The following STPG2 variants were observed in gnomAD, a reference collection of about 807,000 sequenced individuals.
STPG2 encodes sperm-tail PG-rich repeat-containing protein 2.
A neutral mutation model predicts 54.2 loss-of-function variants in STPG2; 56 were observed. The ratio of observed to expected loss-of-function variants is 1.03; its 90% confidence interval spans 0.83 to 1.29. STPG2 has a LOEUF of 1.29. Ranked by LOEUF, STPG2 falls within the 50% of genes most tolerant of loss-of-function variation. The pLI, the probability that STPG2 is intolerant of heterozygous loss-of-function variation, is 0.00. For synonymous variants in STPG2, 200 were observed against 181.8 expected (o/e 1.10, Z -0.81); for missense variants, 596 against 544.9 (o/e 1.09, Z -0.93).
intron 10 of STPG2, among the ~76,000 whole-genome samples, chr4:97,697,664 G>T (rs1273864211): frequency 6.6e-6 from 1 of 152,132 alleles, no homozygotes; most frequent in Non-Finnish European, 1.5e-5. Flanking sequence ...CACAAAACTG[G>T]CCATAAACAA....
chr4:97,616,362 CT>C (rs796253092), intron 10 of STPG2, among the ~76,000 whole-genome samples: 1 of 151,760 alleles, frequency 6.6e-6, no homozygotes, highest in African/African-American at 2.4e-5. Context: ...TCCTGTCTAA[CT>C]TTTCATTTCT....
intron 10 of STPG2, among the ~76,000 whole-genome samples, chr4:97,632,648 A>G (rs965882081): frequency 6.6e-6 from 1 of 152,168 alleles, no homozygotes. Flanking sequence ...TTCATAATTA[A>G]TATGAGCCAA....
chr4:97,620,872 C>A (rs570594939), intron 10 of STPG2, among the ~76,000 whole-genome samples: 1 of 152,082 alleles, frequency 6.6e-6, no homozygotes, highest in Admixed American at 6.6e-5. Context: ...AAATTGACCA[C>A]ACAATTGGAC....
intron 10 of STPG2, among the ~76,000 whole-genome samples, chr4:97,629,741 A>C (rs1721207292): frequency 6.6e-6 from 1 of 152,000 alleles, no homozygotes; most frequent in Non-Finnish European, 1.5e-5. Flanking sequence ...AAAATCTGGG[A>C]GTAGCAGTAG....
intron 5 of STPG2, among the ~76,000 whole-genome samples, chr4:98,018,358 T>A (rs534974533): frequency 6.6e-6 from 1 of 152,256 alleles, no homozygotes; most frequent in Non-Finnish European, 1.5e-5. Flanking sequence ...CATCATTTTT[T>A]ATGGCTGCAT....
At chr4:97,831,632 TA>T (rs1011444111) in intron 9 of STPG2, among the ~76,000 whole-genome samples, 10 of 151,384 alleles carry the variant, frequency 6.6e-5, no homozygotes, top group Admixed American at 3.3e-4. Context: ...ACCAGACTAA[TA>T]AAGAAGAAAA....
intron 5 of STPG2, among the ~76,000 whole-genome samples, chr4:98,091,107 T>A (rs1738672328): frequency 6.6e-6 from 1 of 151,970 alleles, no homozygotes; most frequent in Non-Finnish European, 1.5e-5. Context: ...TCACTCATCC[T>A]CCCACATCAA....
At chr4:98,046,912 ACT>A (rs1233084234) in intron 5 of STPG2, among the ~76,000 whole-genome samples, 2 of 152,050 alleles carry the variant, frequency 1.3e-5, no homozygotes, top group Non-Finnish European at 2.9e-5. Context: ...TTTCCCACAC[ACT>A]CATTTAGTCT....
intron 10 of STPG2, among the ~76,000 whole-genome samples, chr4:97,621,655 A>C (rs963657753): frequency 2.6e-5 from 4 of 152,162 alleles, no homozygotes; most frequent in Admixed American, 6.5e-5. Context: ...CAGTGAAAAG[A>C]AGCTCAGGGC....
intron 10 of STPG2, among the ~76,000 whole-genome samples, chr4:97,585,548 C>A (rs1442425898): frequency 6.6e-6 from 1 of 151,958 alleles, no homozygotes; most frequent in Non-Finnish European, 1.5e-5. Flanking sequence ...TAGAGAGAAT[C>A]TTGTCACAGC....
intron 8 of STPG2, among the ~76,000 whole-genome samples, chr4:97,853,802 A>G (rs1203997371): frequency 3.3e-5 from 5 of 152,088 alleles, no homozygotes; most frequent in Non-Finnish European, 7.4e-5. Context: ...TTTATTTAGA[A>G]ACTGGGTCTC....
At chr4:97,907,167 A>T (rs1731464666) in intron 8 of STPG2, among the ~76,000 whole-genome samples, 1 of 152,012 alleles carries the variant, frequency 6.6e-6, no homozygotes, top group African/African-American at 2.4e-5. Flanking sequence ...ACTTCAGCAA[A>T]GTCTCAGGAT....
intron 8 of STPG2, among the ~76,000 whole-genome samples, chr4:97,865,804 C>A (rs775826133): frequency 1.3e-5 from 2 of 151,786 alleles, no homozygotes; most frequent in Non-Finnish European, 2.9e-5. Context: ...ACATATGTAA[C>A]AAACCTGCAC....
chr4:97,933,541 T>A (rs1157734330), intron 8 of STPG2, among the ~76,000 whole-genome samples: 3 of 152,222 alleles, frequency 2.0e-5, no homozygotes, highest in Admixed American at 6.5e-5. Flanking sequence ...AATTTTTGTA[T>A]AAGGTGTAAG....
intron 10 of STPG2, among the ~76,000 whole-genome samples, chr4:97,627,574 T>C (rs1038432435): frequency 1.3e-5 from 2 of 152,124 alleles, no homozygotes; most frequent in Non-Finnish European, 2.9e-5. Flanking sequence ...CTTGAATAGT[T>C]TTCCTATACA....
intron 9 of STPG2, among the ~76,000 whole-genome samples, chr4:97,728,248 G>A (rs1578511889): frequency 6.6e-6 from 1 of 151,828 alleles, no homozygotes. Context: ...TAGTGGCTGA[G>A]GTAAGTCTGA....
chr4:97,757,050 C>T (rs932421009), intron 9 of STPG2, among the ~76,000 whole-genome samples: 2 of 152,024 alleles, frequency 1.3e-5, no homozygotes, highest in African/African-American at 4.8e-5. Flanking sequence ...TCATTTAAAG[C>T]CCCCTGAACT....
At chr4:97,944,063 G>T (rs1733106498) in intron 7 of STPG2, 56 bp from the exon 8 acceptor site, 6 of 1,104,762 alleles carry the variant, frequency 5.4e-6, no homozygotes, top group Admixed American at 3.9e-5. Flanking sequence ...AATACAAGAG[G>T]CACTATAAAT....
At chr4:97,913,729 C>T (rs1731767817) in intron 8 of STPG2, among the ~76,000 whole-genome samples, 1 of 152,026 alleles carries the variant, frequency 6.6e-6, no homozygotes. Context: ...AAACAAATAT[C>T]AGAATCAATA....
Sources: allele counts gnomAD v4.1 joint callset (sites outside exome capture counted in the v4.1 genomes callset), GRCh38; gene constraint gnomAD v4.1.1; transcripts MANE v1.5; gene names NCBI Gene and HGNC (gene_info 2026-07-23, HGNC 2026-07-21).